The following LRRFIP1 variants were observed in gnomAD, a reference collection of about 807,000 sequenced individuals.
The protein encoded by LRRFIP1 is LRR binding FLII interacting protein 1.
In LRRFIP1, 62 loss-of-function variants were observed where a neutral mutation model predicts 104.4. The ratio of observed to expected loss-of-function variants is 0.59; its 90% CI spans 0.48 to 0.73. The LOEUF (loss-of-function observed/expected upper bound fraction) is 0.73, where lower values mean the gene tolerates loss of function less well. Among genes scored for constraint, LRRFIP1 ranks in the 30% least tolerant of loss-of-function variants. The probability of loss-of-function intolerance (pLI) is 0.00; values close to 1 mark genes in which losing one functional copy is unlikely to be tolerated. For synonymous variants in LRRFIP1, 300 were observed against 299.0 expected, an observed-to-expected ratio of 1.00 and a Z score of -0.03; for missense variants, 796 against 824.5, an observed-to-expected ratio of 0.97 and a Z score of 0.42.
At chr2:237,675,222 C>T (rs530550060) in intron 1 of LRRFIP1, among the ~76,000 whole-genome samples, 2 of 152,298 alleles carry the variant, frequency 1.3e-5, no homozygotes, top group East Asian at 1.9e-4. Context: ...CCTGAGATGA[C>T]GCCTCTGTGG....
chr2:237,629,467 CTTTTTTTTTTTTT>C (rs745503726), intron 1 of LRRFIP1, among the ~76,000 whole-genome samples: 1 of 117,374 alleles, frequency 8.5e-6, no homozygotes. Flanking sequence ...TTTCTTTCTT[CTTTTTTTTTTTTT>C]TTTTTTTTTT....
rs569058560 is a variant in LRRFIP1 at position 237,638,314 on chromosome 2, G to A, written c.96+10574G>A. ...ATATGCGCAGTTCACAATAGGTTTC[G>A]CACTCTTAAGAGAATCTAATGCTGC... On this transcript the variant is annotated intron_variant, in intron 1 of 23. Transcript: ENST00000308482. Among the ~76,000 whole-genome samples the A allele has an allele frequency of 3.9e-5, 6 of 152,198 alleles. No individual in the cohort carries two copies. The South Asian group carries it at 1.0e-3, about 26-fold the overall frequency.
chr2:237,719,401 T>G, intron 4 of LRRFIP1, 122 bp from the exon 5 acceptor site: 2 of 631,566 alleles, frequency 3.2e-6, no homozygotes, highest in South Asian at 2.0e-5. Context: ...AAGAAAATAT[T>G]TATGTGACAT....
chr2:237,774,884 A>G (rs2150935425), intron 23 of LRRFIP1, among the ~76,000 whole-genome samples: 1 of 152,370 alleles, frequency 6.6e-6, no homozygotes, highest in South Asian at 2.1e-4. Context: ...AGGTCACCCT[A>G]TGGAGAGTGC....
chr2:237,650,176 G>T (rs2085689251), intron 1 of LRRFIP1, among the ~76,000 whole-genome samples: 1 of 152,030 alleles, frequency 6.6e-6, no homozygotes. Context: ...TCTGTGGGGT[G>T]CCAGAGGAGG....
intron 1 of LRRFIP1, among the ~76,000 whole-genome samples, chr2:237,667,942 C>T (rs1475395102): frequency 6.6e-6 from 1 of 152,114 alleles, no homozygotes; most frequent in Non-Finnish European, 1.5e-5. Context: ...ATTTACAGTA[C>T]ACCCTTTAGC....
intron 1 of LRRFIP1, among the ~76,000 whole-genome samples, chr2:237,632,721 G>T (rs1207078176): frequency 1.3e-5 from 2 of 152,158 alleles, no homozygotes; most frequent in Admixed American, 6.5e-5. Context: ...GTGGGGTTCA[G>T]TGTGGAAACT....
intron 1 of LRRFIP1, among the ~76,000 whole-genome samples, chr2:237,680,311 G>A (rs1415893554): frequency 6.6e-6 from 1 of 152,214 alleles, no homozygotes; most frequent in African/African-American, 2.4e-5. Context: ...GGTCAACACA[G>A]TGAGGCCCCA....
intron 8 of LRRFIP1, among the ~76,000 whole-genome samples, chr2:237,728,157 A>G (rs2094842151): frequency 6.6e-6 from 1 of 152,216 alleles, no homozygotes; most frequent in Non-Finnish European, 1.5e-5. Flanking sequence ...GATTGTTAGT[A>G]TAAGGGGTAG....
chr2:237,663,128 G>A (rs2088382873), intron 1 of LRRFIP1, among the ~76,000 whole-genome samples: 1 of 152,176 alleles, frequency 6.6e-6, no homozygotes, highest in African/African-American at 2.4e-5. Flanking sequence ...ATTCTTTCCT[G>A]AGCAAGGCCA....
intron 13 of LRRFIP1, among the ~76,000 whole-genome samples, chr2:237,749,746 C>T (rs1038369705): frequency 6.6e-6 from 1 of 152,218 alleles, no homozygotes; most frequent in Non-Finnish European, 1.5e-5. Flanking sequence ...CGGCCTAGAA[C>T]TTGCCCTTTC....
At chr2:237,775,649 T>C (rs2061021154) in intron 23 of LRRFIP1, among the ~76,000 whole-genome samples, 1 of 152,090 alleles carries the variant, frequency 6.6e-6, no homozygotes, top group Non-Finnish European at 1.5e-5. Context: ...GTGGGCAACA[T>C]AGTGAAAACC....
intron 1 of LRRFIP1, among the ~76,000 whole-genome samples, chr2:237,636,427 A>T (rs2083136978): frequency 6.7e-6 from 1 of 149,382 alleles, no homozygotes; most frequent in Admixed American, 6.7e-5. Flanking sequence ...CCCTCTACTA[A>T]GTTTACCTGT....
chr2:237,702,076 G>A (rs1447776209), intron 1 of LRRFIP1, among the ~76,000 whole-genome samples: 2 of 152,180 alleles, frequency 1.3e-5, no homozygotes, highest in East Asian at 3.9e-4. Flanking sequence ...GCATTAATGT[G>A]GCTGGGAGAG....
intron 21 of LRRFIP1, 173 bp from the exon 22 acceptor site, chr2:237,772,693 T>C: frequency 1.7e-6 from 1 of 604,494 alleles, no homozygotes; most frequent in South Asian, 2.0e-5. Flanking sequence ...CCTGGGTTCA[T>C]GGGGAGAGAG....
At chr2:237,745,892 G>A (rs1356198736) in intron 11 of LRRFIP1, among the ~76,000 whole-genome samples, 2 of 151,936 alleles carry the variant, frequency 1.3e-5, no homozygotes, top group African/African-American at 4.8e-5. Flanking sequence ...AGTTAAACTA[G>A]CCTCTTTATT....
chr2:237,688,017 G>A (rs1279538479), intron 1 of LRRFIP1, among the ~76,000 whole-genome samples: 1 of 152,206 alleles, frequency 6.6e-6, no homozygotes, highest in Non-Finnish European at 1.5e-5. Flanking sequence ...GATGTTCCTA[G>A]AACAAAATTA....
Position 237,698,624 on chromosome 2 carries a change from T to G in LRRFIP1, c.97-9920T>G, listed in dbSNP as rs2093337576. On this transcript the variant is annotated intron_variant, in intron 1 of 23. Coordinates refer to ENST00000308482, the MANE Select transcript of LRRFIP1 (RefSeq NM_001137550.2). ...GCCGTCTTACCGTAAACTTTCATGG[T>G]AATTTCAGTCTACTCCATAATTTGT... Among the ~76,000 whole-genome samples, 4 of 152,372 alleles carry G rather than the reference T, an allele frequency of 2.6e-5. No individual in the cohort carries two copies. The South Asian group carries it at 8.3e-4, about 32-fold the overall frequency.
chr2:237,666,932 CTTTCTTTCTTT>C (rs1460225739), intron 1 of LRRFIP1, among the ~76,000 whole-genome samples: 5 of 98,596 alleles, frequency 5.1e-5, no homozygotes, highest in Non-Finnish European at 4.7e-5. Flanking sequence ...TTCTTTCTTT[CTTTCTTTCTTT>C]CTTTTTCTTT....
Sources: gnomAD v4.1 joint callset for allele counts (sites outside exome capture counted in the v4.1 genomes callset) on GRCh38, gnomAD v4.1.1 for gene constraint, MANE v1.5 for transcripts, NCBI Gene and HGNC (gene_info 2026-07-23, HGNC 2026-07-21) for gene names.